PCDHGB6: variants seen among roughly 807,000 people sequenced by gnomAD.
The protein encoded by PCDHGB6 is protocadherin gamma subfamily B, 6.
In PCDHGB6, 51 loss-of-function variants were observed where a neutral mutation model predicts 59.1. That is an observed-to-expected ratio of 0.86 (90% confidence interval 0.69 to 1.09). The LOEUF is 1.09. Among genes scored for constraint, PCDHGB6 ranks in the 50% least tolerant of loss-of-function variants. The pLI, the probability that PCDHGB6 is intolerant of heterozygous loss-of-function variation, is 0.00. For synonymous variants in PCDHGB6, 466 were observed against 495.1 expected, an observed-to-expected ratio of 0.94 and a Z score of 0.78; for missense variants, 1,148 against 1,205.1, an observed-to-expected ratio of 0.95 and a Z score of 0.70.
intron 1 of PCDHGB6, among the ~76,000 whole-genome samples, chr5:141,425,428 T>C (rs1037803701): frequency 1.3e-5 from 2 of 152,238 alleles, no homozygotes; most frequent in African/African-American, 4.8e-5. Context: ...TCCCATTAAA[T>C]AGAGGATAAA....
Position 141,431,428 on chromosome 5 carries a change from A to G in PCDHGB6, c.2418+20808A>G. The stretch of plus-strand genomic sequence containing the variant: ...CCGACGGGGGCGACCCGGTGCGCAC[A>G]GGCACCGCGCGCATCCGCGTGATGG... On this transcript the variant is annotated intron_variant, in intron 1 of 3. Transcript: ENST00000520790. This position sits in a 1 kb window ranked among gnomAD's most constrained non-coding sequence, Gnocchi z 4.8. The G allele has an allele frequency of 6.2e-7, 1 of 1,613,664 alleles. No individual in the cohort carries two copies. Among genetic ancestry groups the G allele is most frequent in the Non-Finnish European group, 8.5e-7 (1 of 1,179,998 alleles).
Position 141,414,286 on chromosome 5 carries a change from G to T in PCDHGB6, c.2418+3666G>T, listed in dbSNP as rs2095728607. On this transcript the variant is annotated intron_variant, in intron 1 of 3. Transcript: ENST00000520790. Reference sequence around the variant, plus strand: ...AGATTCACCTCTGGGAACAGTCGTAGCCCTTTTAAATGTGCATGATTTAGA... The same window carrying T: ...AGATTCACCTCTGGGAACAGTCGTATCCCTTTTAAATGTGCATGATTTAGA... 1.2e-6 allele frequency: 2 copies of T among 1,613,466 alleles called. No homozygotes were observed. The highest frequency in any genetic ancestry group is 1.7e-6 in the Non-Finnish European group (2 of 1,179,778).
In PCDHGB6 at chr5:141,432,733, C is replaced by T; in HGVS notation, c.2418+22113C>T. 1 of 1,614,094 alleles carries T rather than the reference C, an allele frequency of 6.2e-7. No individual in the cohort carries two copies. Among genetic ancestry groups the T allele is most frequent in the Middle Eastern group, 1.6e-4 (1 of 6,062 alleles). ...GCCAGCCCCCTCTCTCCGCCACTGTCACGCTCACCGTGGCCGTGGCCGACA... is the reference window on the plus strand; with the variant it reads ...GCCAGCCCCCTCTCTCCGCCACTGTTACGCTCACCGTGGCCGTGGCCGACA... On this transcript the variant is annotated intron_variant, in intron 1 of 3. Coordinates refer to ENST00000520790, the MANE Select transcript of PCDHGB6 (RefSeq NM_018926.3). The surrounding 1 kb of genome is among the most constrained non-coding windows in gnomAD (Gnocchi z 6.0).
chr5:141,492,007 C>A, intron 1 of PCDHGB6: 1 of 629,072 alleles, frequency 1.6e-6, no homozygotes, highest in Non-Finnish European at 2.6e-6. Flanking sequence ...GCGATTTCCG[C>A]GGGTGTCGGG....
At chr5:141,466,549 T>C (rs778708029) in intron 1 of PCDHGB6, among the ~76,000 whole-genome samples, 2 of 152,244 alleles carry the variant, frequency 1.3e-5, no homozygotes, top group African/African-American at 2.4e-5. Flanking sequence ...GGTCTTTTGC[T>C]GTGGGCTTCA....
At chr5:141,427,969 A>G (rs1239461810) in intron 1 of PCDHGB6, 1 of 1,591,942 alleles carries the variant, frequency 6.3e-7, no homozygotes, top group Admixed American at 1.7e-5. Context: ...CGGGTGCTGT[A>G]CCCCGCGCTG....
intron 1 of PCDHGB6, among the ~76,000 whole-genome samples, chr5:141,438,396 A>T (rs1026490705): frequency 6.6e-6 from 1 of 150,930 alleles, no homozygotes. Context: ...TTCATCATTA[A>T]CTCTCTGAAG....
At chr5:141,449,156 G>T (rs4432943) in intron 1 of PCDHGB6, among the ~76,000 whole-genome samples, 84,481 of 151,978 alleles carry the variant, frequency 0.56, 26,202 homozygotes, top group African/African-American at 0.85. Context: ...GGTCAAAGAG[G>T]AAATAGGTGT....
At chr5:141,428,196 C>A in intron 1 of PCDHGB6, 2 of 1,383,704 alleles carry the variant, frequency 1.4e-6, no homozygotes, top group Non-Finnish European at 2.0e-6. Context: ...CCGCTCTCTG[C>A]GCCGCTACGC....
intron 1 of PCDHGB6, among the ~76,000 whole-genome samples, chr5:141,458,368 A>C (rs934670055): frequency 3.9e-5 from 6 of 152,112 alleles, no homozygotes; most frequent in Admixed American, 3.9e-4. Flanking sequence ...GAAGGAAGGG[A>C]GAAGAGAGAA....
At chr5:141,484,968 C>A (rs2099604490) in intron 1 of PCDHGB6, 2 of 585,734 alleles carry the variant, frequency 3.4e-6, no homozygotes, top group African/African-American at 3.7e-5. Context: ...GCCCGGGAGC[C>A]GCTGTCTGCC....
At chr5:141,451,127 CT>C (rs1264048458) in intron 1 of PCDHGB6, among the ~76,000 whole-genome samples, 1 of 152,132 alleles carries the variant, frequency 6.6e-6, no homozygotes, top group Non-Finnish European at 1.5e-5. Context: ...CACACCCAGC[CT>C]TATGATTGTA....
intron 1 of PCDHGB6, among the ~76,000 whole-genome samples, chr5:141,480,875 T>C (rs1285607270): frequency 6.6e-6 from 1 of 152,062 alleles, no homozygotes; most frequent in African/African-American, 2.4e-5. Context: ...TGAAACCCCG[T>C]CTCTACTAAA....
Position 141,408,328 on chromosome 5 carries a change from C to A in PCDHGB6, c.126C>A (p.Ala42=). Residue 42 remains alanine, a synonymous_variant, in exon 1 of 4, where the codon GCC becomes GCA. Coordinates refer to ENST00000520790, the MANE Select transcript of PCDHGB6 (RefSeq NM_018926.3). The part of the protein sequence containing the change: ...PIRYSIPEEL[A]KGSVVGNLAK... ...GCTACTCGATTCCGGAGGAGCTGGC[C>A]AAGGGCTCGGTGGTGGGGAACCTCG... The A allele has an allele frequency of 6.2e-7, 1 of 1,613,910 alleles. No individual in the cohort carries two copies. The highest frequency in any genetic ancestry group is 1.1e-5 in the South Asian group (1 of 91,080).
chr5:141,423,517 T>A (rs750915364), intron 1 of PCDHGB6: 1 of 1,613,834 alleles, frequency 6.2e-7, no homozygotes, highest in Admixed American at 1.7e-5. Context: ...CATTGCGGAC[T>A]CGCAGAAGAG....
At position 141,477,751 on chromosome 5, in the gene PCDHGB6, G is replaced by T; in HGVS notation, c.2419-17056G>T. 1.2e-6 allele frequency: 2 copies of T among 1,613,830 alleles called. No homozygotes were observed. Among genetic ancestry groups the T allele is most frequent in the Non-Finnish European group, 1.7e-6 (2 of 1,180,022 alleles). On this transcript the variant is annotated intron_variant, in intron 1 of 3. Coordinates refer to ENST00000520790, the MANE Select transcript of PCDHGB6 (RefSeq NM_018926.3). This position sits in a 1 kb window ranked among gnomAD's most constrained non-coding sequence, Gnocchi z 4.9. ...CTCATATCAGCGATGGGGGCACCCC[G>T]GTCCTAGCCACCAACATCAGCGTGA...
At chr5:141,421,455 C>T (rs762490406) in intron 1 of PCDHGB6, 7 of 1,614,108 alleles carry the variant, frequency 4.3e-6, no homozygotes, top group Non-Finnish European at 4.2e-6. Flanking sequence ...CACAGCTTTT[C>T]GCTGTGAATC....
Position 141,410,203 on chromosome 5 carries a change from C to T in PCDHGB6, c.2001C>T (p.Asn667=). Residue 667 remains asparagine, a synonymous_variant, in exon 1 of 4, where the codon AAC becomes AAT. Transcript: ENST00000520790. ...CGCTTCATCTGGTCTTCGCAGACAA[C>T]TTGCAAGAGATACTGCCAGACCTCA... ...TATLHLVFAD[N]LQEILPDLSD... is the part of the protein sequence containing the mutation. 3 of 1,614,022 alleles carry T rather than the reference C, an allele frequency of 1.9e-6. No individual in the cohort carries two copies. Among genetic ancestry groups the T allele is most frequent in the Non-Finnish European group, 2.5e-6 (3 of 1,179,884 alleles).
chr5:141,438,651 CAT>C (rs2098045358), intron 1 of PCDHGB6, among the ~76,000 whole-genome samples: 1 of 83,744 alleles, frequency 1.2e-5, no homozygotes, highest in East Asian at 3.2e-4. Context: ...CACACACACA[CAT>C]ATATGTATAT....
Sources: gnomAD v4.1 joint callset for allele counts (sites outside exome capture counted in the v4.1 genomes callset) on GRCh38, gnomAD v4.1.1 for gene constraint, Gnocchi (gnomAD v3.1) non-coding constraint, MANE v1.5 for transcripts, NCBI Gene and HGNC (gene_info 2026-07-23, HGNC 2026-07-21) for gene names.